The following TMCC2 variants were observed in gnomAD, a reference collection of about 807,000 sequenced individuals.
TMCC2 encodes transmembrane and coiled-coil domains protein 2.
In TMCC2, 16 loss-of-function variants were observed where a neutral mutation model predicts 49.4. The ratio of observed to expected loss-of-function variants is 0.32; its 90% CI spans 0.22 to 0.49. The LOEUF (loss-of-function observed/expected upper bound fraction) is 0.49. Among genes scored for constraint, TMCC2 ranks in the 20% least tolerant of loss-of-function variants. The pLI is 0.99. For synonymous variants in TMCC2, 397 were observed against 434.1 expected, an observed-to-expected ratio of 0.91 and a Z score of 1.06; for missense variants, 762 against 989.8, an observed-to-expected ratio of 0.77 and a Z score of 3.09.
At chr1:205,249,263 G>C (rs752045570) in intron 2 of TMCC2, among the ~76,000 whole-genome samples, 57 of 152,198 alleles carry the variant, frequency 3.7e-4, no homozygotes, top group Admixed American at 1.0e-3. Context: ...AATGCCCTGT[G>C]CTCTCCGTCC....
At chr1:205,250,856 A>T (rs1358738789) in intron 2 of TMCC2, among the ~76,000 whole-genome samples, 1 of 152,158 alleles carries the variant, frequency 6.6e-6, no homozygotes, top group Admixed American at 6.5e-5. Flanking sequence ...AGCAGTCAGC[A>T]AGAGGAGCTG....
At chr1:205,244,286 A>G (rs1306325515) in intron 2 of TMCC2, among the ~76,000 whole-genome samples, 1 of 152,194 alleles carries the variant, frequency 6.6e-6, no homozygotes, top group Admixed American at 6.5e-5. Flanking sequence ...GATCGAAGAT[A>G]GCAGTGAGGA....
intron 2 of TMCC2, among the ~76,000 whole-genome samples, chr1:205,268,411 C>T (rs1373401530): frequency 1.3e-5 from 2 of 152,112 alleles, no homozygotes; most frequent in South Asian, 2.1e-4. Flanking sequence ...GTCAGGAGTT[C>T]GAGACCAGCC....
intron 2 of TMCC2, among the ~76,000 whole-genome samples, chr1:205,265,403 C>T (rs989616889): frequency 3.9e-5 from 6 of 152,232 alleles, no homozygotes; most frequent in Non-Finnish European, 8.8e-5. Context: ...TTTTACACTC[C>T]TGTATAGTCC....
At chr1:205,242,538 A>T (rs905089358) in intron 2 of TMCC2, among the ~76,000 whole-genome samples, 3 of 152,230 alleles carry the variant, frequency 2.0e-5, no homozygotes, top group Non-Finnish European at 4.4e-5. Flanking sequence ...ACCAAAGAAG[A>T]TAGGGGATCC....
intron 2 of TMCC2, among the ~76,000 whole-genome samples, chr1:205,262,050 C>A (rs1661137854): frequency 6.6e-6 from 1 of 152,206 alleles, no homozygotes. Flanking sequence ...CTGTCCCTAT[C>A]TGTGTACCAG....
At chr1:205,270,305 T>G (rs747792795) in intron 3 of TMCC2, among the ~76,000 whole-genome samples, 4 of 152,216 alleles carry the variant, frequency 2.6e-5, no homozygotes, top group Non-Finnish European at 5.9e-5. Flanking sequence ...CATTAATTCC[T>G]TCTTCATAGG....
At chr1:205,258,747 A>C (rs576508867) in intron 2 of TMCC2, among the ~76,000 whole-genome samples, 1 of 152,304 alleles carries the variant, frequency 6.6e-6, no homozygotes, top group East Asian at 1.9e-4. Context: ...GGTACAAGAA[A>C]TTTCAAGTTC....
chr1:205,228,363 CT>C lies in TMCC2; in HGVS notation c.-201del. The C allele has an allele frequency of 1.9e-6, 1 of 538,308 alleles. No individual in the cohort carries two copies. The allele number at this position is 538,308 out of a possible 1,614,324, so 33.3% of individuals were successfully genotyped here. ...CCAGGTCGAAATGAACTATTCCAAG[CT>C]ATAACCAAGGCTCCCCCTTCTCGCC... On this transcript the variant is annotated 5_prime_UTR_variant, in exon 1 of 5. It removes the in-frame stop codon of an upstream open reading frame in the 5' UTR. Transcript: ENST00000358024.
chr1:205,246,097 G>T (rs76364186), intron 2 of TMCC2, among the ~76,000 whole-genome samples: 10,492 of 152,072 alleles, frequency 0.069, 582 homozygotes, highest in African/African-American at 0.14. Flanking sequence ...AACTACTCTG[G>T]GGGTGGGGCG....
chr1:205,265,504 C>G (rs1349375702), intron 2 of TMCC2, among the ~76,000 whole-genome samples: 1 of 152,140 alleles, frequency 6.6e-6, no homozygotes, highest in African/African-American at 2.4e-5. Flanking sequence ...GACTCTGTCC[C>G]TGTTACAAAG....
At chr1:205,254,891 TC>T (rs1253815512) in intron 2 of TMCC2, among the ~76,000 whole-genome samples, 6 of 152,154 alleles carry the variant, frequency 3.9e-5, no homozygotes, top group African/African-American at 1.4e-4. Flanking sequence ...CTCTTCCTTT[TC>T]CTCTGCTTAA....
chr1:205,268,856 T>C, intron 2 of TMCC2, 94 bp from the exon 3 acceptor site: 1 of 1,250,788 alleles, frequency 8.0e-7, no homozygotes, highest in Non-Finnish European at 1.1e-6. Flanking sequence ...CTGCATCCAT[T>C]TTCTAGATAG....
At chr1:205,235,147 A>G (rs1162429969) in intron 1 of TMCC2, among the ~76,000 whole-genome samples, 1 of 152,100 alleles carries the variant, frequency 6.6e-6, no homozygotes, top group East Asian at 1.9e-4. Context: ...TGCACCTTAT[A>G]TGAAGCAGGC....
At chr1:205,250,886 C>T (rs1050260662) in intron 2 of TMCC2, among the ~76,000 whole-genome samples, 1 of 152,160 alleles carries the variant, frequency 6.6e-6, no homozygotes, top group African/African-American at 2.4e-5. Flanking sequence ...GGGTTCCAGA[C>T]GGCAAGGAGC....
chr1:205,246,752 T>C, intron 2 of TMCC2: 1 of 1,502,380 alleles, frequency 6.7e-7, no homozygotes, highest in Non-Finnish European at 9.0e-7. Context: ...CAGGAGTCTC[T>C]GGTATGCAGC....
rs903275054 is a variant in TMCC2, at chr1:205,230,997, T to C, written c.207+2226T>C. ...CGCCCCCATCCACCCCATCCCCCCA[T>C]CCCCCCCCCCGCCCCCAGAGAAAAC... On this transcript the variant is annotated intron_variant, in intron 1 of 4. Transcript: ENST00000358024. Among the ~76,000 whole-genome samples, 354 of 42,198 alleles carry C rather than the reference T, an allele frequency of 8.4e-3. 2 individuals carry two copies. The highest frequency in any genetic ancestry group is 0.014 in the Middle Eastern group (1 of 70). 27.7% of individuals were successfully genotyped at this position (42,198 alleles called of 152,430 possible).
chr1:205,243,475 T>C (rs1287818003), intron 2 of TMCC2, among the ~76,000 whole-genome samples: 2 of 151,994 alleles, frequency 1.3e-5, no homozygotes, highest in African/African-American at 4.8e-5. Flanking sequence ...AGTGCAGTAG[T>C]CTAGGCTGCA....
chr1:205,242,105 C>T (rs979041014), intron 2 of TMCC2, 61 bp downstream of exon 2: 2 of 1,496,896 alleles, frequency 1.3e-6, no homozygotes, highest in East Asian at 4.6e-5. Context: ...GCTGAGGGGC[C>T]TTGAGACCTG....
Sources: gnomAD v4.1 joint callset for allele counts (sites outside exome capture counted in the v4.1 genomes callset) on GRCh38, gnomAD v4.1.1 for gene constraint, MANE v1.5 for transcripts, NCBI Gene and HGNC (gene_info 2026-07-23, HGNC 2026-07-21) for gene names.